Variants in ADAM23 observed in about 807,000 individuals in gnomAD.
ADAM23 encodes the protein ADAM metallopeptidase domain 23.
ADAM23 carries 33 observed loss-of-function variants against 120.1 expected under a neutral mutation model. The ratio of observed to expected loss-of-function variants is 0.27; its 90% confidence interval spans 0.21 to 0.37. The LOEUF is 0.37. Among genes scored for constraint, ADAM23 ranks in the 10% least tolerant of loss-of-function variants. The probability of loss-of-function intolerance (pLI) is 1.00; values close to 1 mark genes in which losing one functional copy is unlikely to be tolerated. For synonymous variants in ADAM23, 367 were observed against 375.2 expected (o/e 0.98, Z 0.25); for missense variants, 862 against 1,058.2 (o/e 0.81, Z 2.57).
intron 3 of ADAM23, among the ~76,000 whole-genome samples, chr2:206,505,058 T>C (rs577559367): frequency 1.3e-5 from 2 of 152,306 alleles, no homozygotes; most frequent in South Asian, 4.2e-4. Context: ...CTCCTGACTT[T>C]GGTAAGAGCC....
intron 2 of ADAM23, among the ~76,000 whole-genome samples, chr2:206,477,839 T>C (rs1188424213): frequency 6.9e-6 from 1 of 144,186 alleles, no homozygotes; most frequent in Non-Finnish European, 1.5e-5. Context: ...GCCATTCTTC[T>C]AACTTTTCTA....
At chr2:206,575,843 A>G (rs970358256) in intron 18 of ADAM23, among the ~76,000 whole-genome samples, 3 of 152,156 alleles carry the variant, frequency 2.0e-5, no homozygotes, top group Non-Finnish European at 2.9e-5. Flanking sequence ...TCTTCTTCCC[A>G]AGCTTATCAT....
At chr2:206,597,502 G>A (rs1323567215) in intron 24 of ADAM23, among the ~76,000 whole-genome samples, 1 of 152,006 alleles carries the variant, frequency 6.6e-6, no homozygotes, top group African/African-American at 2.4e-5. Context: ...GTGTTATCAG[G>A]AGTATGGTAA....
intron 2 of ADAM23, among the ~76,000 whole-genome samples, chr2:206,470,827 T>C (rs1695642673): frequency 6.6e-6 from 1 of 152,188 alleles, no homozygotes; most frequent in African/African-American, 2.4e-5. Context: ...CACTGAACTT[T>C]TCCTAATCTG....
At chr2:206,545,439 T>C (rs1249022130) in intron 6 of ADAM23, among the ~76,000 whole-genome samples, 1 of 152,076 alleles carries the variant, frequency 6.6e-6, no homozygotes, top group Non-Finnish European at 1.5e-5. Flanking sequence ...CGAGCCAAGA[T>C]TGCACCTTTG....
chr2:206,472,495 C>T (rs1257303121), intron 2 of ADAM23, among the ~76,000 whole-genome samples: 1 of 151,722 alleles, frequency 6.6e-6, no homozygotes, highest in African/African-American at 2.4e-5. Flanking sequence ...CACCTGTAGT[C>T]CCAGCTACTT....
At position 206,455,808 on chromosome 2, in the gene ADAM23, A is replaced by G. The variant is rs183720251; in HGVS notation, c.432+10284A>G. ...GCATAGCAAGAGTGATCTTTACTCC[A>G]GTTCCCAATAAGTTCCTCATTTCCA... is the stretch of plus-strand genomic sequence containing the variant. On this transcript the variant is annotated intron_variant, in intron 2 of 25. Coordinates refer to ENST00000264377, the MANE Select transcript of ADAM23 (RefSeq NM_003812.4). Among the ~76,000 whole-genome samples, 242 of 152,290 alleles carry G rather than the reference A, an allele frequency of 1.6e-3. 3 individuals carry two copies. The highest frequency in any genetic ancestry group is 5.1e-3 in the African/African-American group (212 of 41,568).
At chr2:206,519,062 T>C (rs1463970940) in intron 3 of ADAM23, among the ~76,000 whole-genome samples, 1 of 152,164 alleles carries the variant, frequency 6.6e-6, no homozygotes. Flanking sequence ...TAATTCAACA[T>C]TCTTGGTTTT....
chr2:206,600,343 A>G (rs944662398), intron 24 of ADAM23, among the ~76,000 whole-genome samples: 5 of 152,258 alleles, frequency 3.3e-5, no homozygotes, highest in African/African-American at 9.6e-5. Context: ...ACAGTGGCCA[A>G]TCATATCCAT....
chr2:206,588,275 A>G, intron 20 of ADAM23, 121 bp downstream of exon 20: 2 of 1,039,166 alleles, frequency 1.9e-6, no homozygotes, highest in Non-Finnish European at 1.4e-6. Flanking sequence ...AAATCTAGAA[A>G]GGATGAGAAT....
chr2:206,578,559 C>CAT (rs55891622), intron 18 of ADAM23, among the ~76,000 whole-genome samples: 2 of 151,086 alleles, frequency 1.3e-5, no homozygotes, highest in East Asian at 1.9e-4. Flanking sequence ...AGCATTCCAT[C>CAT]ATATATATAT....
intron 3 of ADAM23, among the ~76,000 whole-genome samples, chr2:206,530,086 G>A (rs371834343): frequency 4.6e-5 from 7 of 152,298 alleles, no homozygotes; most frequent in East Asian, 1.9e-4. Context: ...TGGGATTACA[G>A]GCATGAGTCA....
intron 3 of ADAM23, among the ~76,000 whole-genome samples, chr2:206,495,898 CAAAG>C (rs1045426144): frequency 7.2e-5 from 11 of 152,092 alleles, no homozygotes; most frequent in African/African-American, 2.2e-4. Flanking sequence ...TCAAAAGAGA[CAAAG>C]AAGGCCATTA....
chr2:206,509,023 A>G (rs1696565784), intron 3 of ADAM23, among the ~76,000 whole-genome samples: 1 of 152,280 alleles, frequency 6.6e-6, no homozygotes, highest in East Asian at 1.9e-4. Context: ...TAGTGAAGTT[A>G]GAGACCTGTT....
intron 3 of ADAM23, among the ~76,000 whole-genome samples, chr2:206,523,383 C>T (rs962614568): frequency 1.3e-5 from 2 of 152,190 alleles, no homozygotes; most frequent in South Asian, 4.1e-4. Flanking sequence ...GAAATGTGCC[C>T]ACACTTACCA....
intron 3 of ADAM23, among the ~76,000 whole-genome samples, chr2:206,499,049 G>A (rs1043067459): frequency 2.6e-5 from 4 of 152,102 alleles, no homozygotes; most frequent in Non-Finnish European, 4.4e-5. Context: ...CTGTTGGTGG[G>A]ACTGTAAACT....
chr2:206,492,971 A>G (rs1696163604), intron 3 of ADAM23, among the ~76,000 whole-genome samples: 1 of 152,330 alleles, frequency 6.6e-6, no homozygotes, highest in Non-Finnish European at 1.5e-5. Flanking sequence ...TTTGAATACT[A>G]CTATTCATTG....
At chr2:206,455,547 C>T (rs1216053084) in intron 2 of ADAM23, among the ~76,000 whole-genome samples, 7 of 152,330 alleles carry the variant, frequency 4.6e-5, no homozygotes, top group African/African-American at 1.7e-4. Flanking sequence ...GCCACATGGT[C>T]AGGCTGCAAA....
chr2:206,549,282 T>C (rs142067165), intron 8 of ADAM23, among the ~76,000 whole-genome samples: 4 of 151,418 alleles, frequency 2.6e-5, no homozygotes, highest in African/African-American at 9.7e-5. Context: ...ATTATATAAA[T>C]TATTATTAGA....
Sources: gnomAD v4.1 joint callset for allele counts (sites outside exome capture counted in the v4.1 genomes callset) on GRCh38, gnomAD v4.1.1 for gene constraint, MANE v1.5 for transcripts, NCBI Gene and HGNC (gene_info 2026-07-23, HGNC 2026-07-21) for gene names.